MAGI2: variants seen among roughly 807,000 people sequenced by gnomAD.
MAGI2 encodes membrane associated guanylate kinase, WW and PDZ domain containing 2, also known as membrane-associated guanylate kinase, WW and PDZ domain-containing protein 2.
Under a neutral mutation model 133.3 loss-of-function variants are expected in MAGI2, and 35 were observed. That is an observed-to-expected ratio of 0.26 (90% CI 0.20 to 0.35). The LOEUF (loss-of-function observed/expected upper bound fraction) is 0.35. MAGI2 is among the 10% of genes least tolerant of loss of function. MAGI2 has a pLI of 1.00. For synonymous variants in MAGI2, 729 were observed against 710.6 expected (o/e 1.03, Z -0.41); for missense variants, 1,636 against 1,863.4 (o/e 0.88, Z 2.25).
intron 9 of MAGI2, among the ~76,000 whole-genome samples, chr7:78,281,393 G>C (rs1795558913): frequency 1.3e-5 from 2 of 152,060 alleles, no homozygotes; most frequent in South Asian, 4.1e-4. Context: ...ATGATAGTGA[G>C]TTCTCACCAG....
chr7:79,007,867 G>A (rs557161429), intron 1 of MAGI2, among the ~76,000 whole-genome samples: 148 of 151,768 alleles, frequency 9.8e-4, no homozygotes, highest in Non-Finnish European at 1.4e-3. Flanking sequence ...AATGTTTTTA[G>A]CAAGAGACAA....
At chr7:78,570,900 A>G (rs946428217) in intron 3 of MAGI2, among the ~76,000 whole-genome samples, 1 of 152,164 alleles carries the variant, frequency 6.6e-6, no homozygotes, top group Non-Finnish European at 1.5e-5. Flanking sequence ...AGTTCTTGAC[A>G]TTGCAAGTCT....
chr7:78,052,446 G>A (rs1812113849), intron 21 of MAGI2, among the ~76,000 whole-genome samples: 1 of 152,140 alleles, frequency 6.6e-6, no homozygotes, highest in Non-Finnish European at 1.5e-5. Context: ...CCTCACCAGA[G>A]GCAGATGCTG....
intron 1 of MAGI2, among the ~76,000 whole-genome samples, chr7:79,328,451 T>C (rs866950917): frequency 3.3e-5 from 5 of 152,140 alleles, no homozygotes; most frequent in African/African-American, 1.2e-4. Flanking sequence ...CTACCAATTA[T>C]GCACTAAGAT....
intron 6 of MAGI2, among the ~76,000 whole-genome samples, chr7:78,402,918 T>C (rs192338510): frequency 6.6e-6 from 1 of 152,342 alleles, no homozygotes; most frequent in East Asian, 1.9e-4. Context: ...TATATTGGTA[T>C]AAATTTAACA....
chr7:78,594,581 C>T (rs1351238176), intron 3 of MAGI2, among the ~76,000 whole-genome samples: 2 of 152,162 alleles, frequency 1.3e-5, no homozygotes, highest in Non-Finnish European at 2.9e-5. Flanking sequence ...CCTCAGCCTC[C>T]TGAGTAGCTG....
At chr7:78,247,222 A>G (rs1791891396) in intron 10 of MAGI2, among the ~76,000 whole-genome samples, 1 of 152,130 alleles carries the variant, frequency 6.6e-6, no homozygotes, top group African/African-American at 2.4e-5. Flanking sequence ...CAAGAACCCC[A>G]GCAATCTATG....
intron 6 of MAGI2, among the ~76,000 whole-genome samples, chr7:78,370,234 T>C (rs151282658): frequency 6.6e-6 from 1 of 152,234 alleles, no homozygotes; most frequent in African/African-American, 2.4e-5. Flanking sequence ...TGCATATGTG[T>C]GCACATACTT....
rs559604206 is a variant in MAGI2 at position 78,668,448 on chromosome 7, T to A, written c.419-41209A>T. ...TTTTGTTGCCATTGCTTTTGGTGTT[T>A]TAGACATGAAGTCCTTGCCCATGCC... On this transcript the variant is annotated intron_variant, in intron 2 of 21. Coordinates refer to ENST00000354212, the MANE Select transcript of MAGI2 (RefSeq NM_012301.4). Among the ~76,000 whole-genome samples the A allele has an allele frequency of 6.6e-3, 1,002 of 151,282 alleles. 14 individuals are homozygous for A. Among genetic ancestry groups the A allele is most frequent in the African/African-American group, 0.023 (934 of 41,076 alleles).
intron 1 of MAGI2, among the ~76,000 whole-genome samples, chr7:79,179,310 G>A (rs1826404335): frequency 6.6e-6 from 1 of 151,814 alleles, no homozygotes; most frequent in Non-Finnish European, 1.5e-5. Flanking sequence ...ATATAGTCAT[G>A]TAATGACCAC....
rs555583944 is a variant in MAGI2, at chr7:78,466,507, T to C, written c.1045+23254A>G. 2.4e-4 allele frequency among the ~76,000 whole-genome samples: 37 copies of C among 152,346 alleles called. No individual in the cohort carries two copies. The South Asian group carries it at 7.5e-3, about 31-fold the overall frequency. On this transcript the variant is annotated intron_variant, in intron 6 of 21. Coordinates refer to ENST00000354212, the MANE Select transcript of MAGI2 (RefSeq NM_012301.4). ...TAATTTAAGTGTGTTATTTTGAATA[T>C]ATCAGAGATAAATTGTTTTATAAAT...
chr7:78,215,536 A>C (rs1362639595), intron 10 of MAGI2, among the ~76,000 whole-genome samples: 1 of 152,144 alleles, frequency 6.6e-6, no homozygotes, highest in Non-Finnish European at 1.5e-5. Context: ...GTAACTATGC[A>C]CTTAGAGTGA....
chr7:78,638,055 C>T (rs1170924686), intron 2 of MAGI2, among the ~76,000 whole-genome samples: 44 of 151,158 alleles, frequency 2.9e-4, no homozygotes, highest in Non-Finnish European at 1.0e-4. Flanking sequence ...AGAACAAGAC[C>T]CTGTTTCAAG....
At chr7:78,224,867 A>G (rs1446342104) in intron 10 of MAGI2, among the ~76,000 whole-genome samples, 1 of 152,126 alleles carries the variant, frequency 6.6e-6, no homozygotes, top group East Asian at 1.9e-4. Flanking sequence ...ACCGTCACTC[A>G]GCATCAAGTC....
At chr7:78,788,944 G>C in intron 2 of MAGI2, among the ~76,000 whole-genome samples, 1 of 152,162 alleles carries the variant, frequency 6.6e-6, no homozygotes, top group African/African-American at 2.4e-5. Flanking sequence ...CGAGAGGCCC[G>C]CTCCTTCTCC....
intron 2 of MAGI2, among the ~76,000 whole-genome samples, chr7:78,947,438 C>A (rs1048697783): frequency 1.3e-5 from 2 of 152,098 alleles, no homozygotes; most frequent in African/African-American, 4.8e-5. Context: ...GAACTGTGCT[C>A]ATATTAATAA....
chr7:78,234,781 G>A (rs916800724), intron 10 of MAGI2, among the ~76,000 whole-genome samples: 1 of 152,000 alleles, frequency 6.6e-6, no homozygotes, highest in Non-Finnish European at 1.5e-5. Flanking sequence ...CAGGCTTCAC[G>A]GCAAGATTTT....
intron 1 of MAGI2, among the ~76,000 whole-genome samples, chr7:79,235,537 G>A (rs529116269): frequency 6.6e-6 from 1 of 152,304 alleles, no homozygotes; most frequent in South Asian, 2.1e-4. Context: ...GCAATATTTG[G>A]GTGGGAGTGA....
chr7:78,657,432 T>C (rs1812424289), intron 2 of MAGI2, among the ~76,000 whole-genome samples: 1 of 152,180 alleles, frequency 6.6e-6, no homozygotes, highest in South Asian at 2.1e-4. Context: ...AGATGTCCTT[T>C]AGTAGGTAAA....
Sources: gnomAD v4.1 joint callset for allele counts (sites outside exome capture counted in the v4.1 genomes callset) on GRCh38, gnomAD v4.1.1 for gene constraint, MANE v1.5 for transcripts, NCBI Gene and HGNC (gene_info 2026-07-23, HGNC 2026-07-21) for gene names.